SHPRH: variants seen among roughly 807,000 people sequenced by gnomAD.
SHPRH encodes SNF2 histone linker PHD RING helicase.
A neutral mutation model predicts 202.5 loss-of-function variants in SHPRH; 106 were observed. The ratio of observed to expected loss-of-function variants is 0.52; its 90% confidence interval spans 0.45 to 0.62. The LOEUF is 0.62. Ranked by LOEUF, SHPRH falls within the 20% of genes least tolerant of loss-of-function variation. SHPRH has a pLI of 0.00. For missense variants in SHPRH, 1,710 were observed against 2,020.0 expected (o/e 0.85, Z 2.94); for synonymous variants, 729 against 686.0 (o/e 1.06, Z -0.98).
Position 145,926,072 on chromosome 6 carries a change from C to A in SHPRH, c.3294+132G>T, listed in dbSNP as rs953672544. ...TGCTACCCAAAATCACAACAAAATT[C>A]GAAACATCAAAGTAACAGGAAAACA... On this transcript the variant is annotated intron_variant, in intron 16 of 29. Coordinates refer to ENST00000275233, the MANE Select transcript of SHPRH (RefSeq NM_001042683.3). 5 of 854,006 alleles carry A rather than the reference C, an allele frequency of 5.9e-6. No individual in the cohort carries two copies. In the South Asian group the frequency reaches 7.3e-5, roughly 13 times the overall value. 52.9% of individuals were successfully genotyped at this position (854,006 alleles called of 1,614,324 possible). A position where few individuals can be genotyped will look rare whatever the true frequency, so the allele number is the denominator to read the frequency against.
At chr6:145,949,360 G>A (rs771980790) in intron 4 of SHPRH, among the ~76,000 whole-genome samples, 1 of 152,016 alleles carries the variant, frequency 6.6e-6, no homozygotes, top group Admixed American at 6.6e-5. Context: ...GTGGAGGGGG[G>A]CAGGTGTGTA....
rs774214158 is a variant in SHPRH, at chr6:145,946,233, G to A, written c.1321C>T (p.Pro441Ser). ...TTCCTTTAAGAGATGTCTTACTTAC[G>A]AGGGCATTGAACTTTTTCTTTTGGT... is the stretch of plus-strand genomic sequence containing the variant. ...FEPKEKVQCP[P>S]TRVMILTAVK... The change falls in exon 7 of 30, where the codon CCT becomes TCT. Residue 441 changes from proline (P) to serine (S), a missense_variant and splice_region_variant. This residue lies in a region of SHPRH where 348 missense variants were observed against 356.9 expected (regional missense o/e 0.97). Transcript: ENST00000275233. 4 of 1,604,466 alleles carry A rather than the reference G, an allele frequency of 2.5e-6. No individual in the cohort carries two copies. The highest frequency in any genetic ancestry group is 2.6e-6 in the Non-Finnish European group (3 of 1,175,002).
At chr6:145,858,835 C>T in the SHPRH span, among the ~76,000 whole-genome samples, 5 of 151,844 alleles carry the variant, frequency 3.3e-5, no homozygotes, top group Non-Finnish European at 5.9e-5. Context: ...ATGCTAATGC[C>T]GGATGAAAGA....
intron 7 of SHPRH, 166 bp from the exon 8 acceptor site, chr6:145,945,803 C>A: frequency 1.5e-6 from 1 of 651,198 alleles, no homozygotes; most frequent in Non-Finnish European, 2.4e-6. Flanking sequence ...AAATGTATCT[C>A]AGCATATTAA....
chr6:145,919,560 G>A, intron 21 of SHPRH, 69 bp from the exon 22 acceptor site: 3 of 1,552,568 alleles, frequency 1.9e-6, no homozygotes, highest in South Asian at 1.2e-5. Context: ...CCACCAAGAT[G>A]TGCCTTAAGC....
chr6:145,889,626 G>C (rs1294092817), intron 28 of SHPRH, among the ~76,000 whole-genome samples: 2 of 152,098 alleles, frequency 1.3e-5, no homozygotes, highest in African/African-American at 4.8e-5. Context: ...AGTAGAATTT[G>C]TATATGAAAC....
intron 3 of SHPRH, among the ~76,000 whole-genome samples, chr6:145,951,295 G>C (rs1461626540): frequency 6.6e-6 from 1 of 151,946 alleles, no homozygotes; most frequent in Non-Finnish European, 1.5e-5. Flanking sequence ...ATTTATTTCT[G>C]AATTGCTTTG....
intron 2 of SHPRH, among the ~76,000 whole-genome samples, chr6:145,952,885 T>G (rs17075537): frequency 0.031 from 4,723 of 152,138 alleles, 262 homozygotes; most frequent in African/African-American, 0.11. Flanking sequence ...TTGGGCATCC[T>G]CATTACTGAA....
chr6:145,939,070 C>CCTA (rs1786442972), intron 11 of SHPRH, among the ~76,000 whole-genome samples: 2 of 151,972 alleles, frequency 1.3e-5, no homozygotes, highest in Admixed American at 1.3e-4. Flanking sequence ...GTTGAGAAAC[C>CCTA]CTAGTTTAGC....
chr6:145,933,018 G>A (rs756293880), intron 14 of SHPRH, 39 bp downstream of exon 14: 1 of 1,588,872 alleles, frequency 6.3e-7, no homozygotes, highest in East Asian at 2.3e-5. Flanking sequence ...TCCTCAGGAA[G>A]TGTTTGAAAG....
chr6:145,909,110 T>C (rs1213338061), intron 25 of SHPRH: 1 of 152,122 alleles, frequency 6.6e-6, no homozygotes, highest in African/African-American at 2.4e-5. Context: ...TATATGTCTG[T>C]TTTGGTACCA....
chr6:145,922,560 A>G, intron 19 of SHPRH, 103 bp downstream of exon 19: 4 of 1,393,428 alleles, frequency 2.9e-6, no homozygotes, highest in Non-Finnish European at 3.8e-6. Context: ...TGTCTCAATT[A>G]AAATGAAAAA....
At chr6:145,940,046 T>C (rs2128776555) in intron 11 of SHPRH, among the ~76,000 whole-genome samples, 1 of 152,302 alleles carries the variant, frequency 6.6e-6, no homozygotes, top group East Asian at 1.9e-4. Context: ...ATTTTAGATA[T>C]TCACAACTTG....
chr6:145,899,323 C>T (rs375617084), intron 25 of SHPRH, among the ~76,000 whole-genome samples: 10 of 152,012 alleles, frequency 6.6e-5, no homozygotes, highest in Admixed American at 3.3e-4. Context: ...AAAAATAGTA[C>T]GCTACTGAAA....
rs946427903 is a variant in SHPRH at position 145,941,699 on chromosome 6, G to A, written c.2414C>T (p.Pro805Leu). The A allele has an allele frequency of 3.1e-6, 5 of 1,613,818 alleles. No individual in the cohort carries two copies. The highest frequency in any genetic ancestry group is 1.3e-5 in the African/African-American group (1 of 74,880). The change falls in exon 10 of 30, where the codon CCG becomes CTG. Residue 805 changes from proline (P) to leucine (L), a missense_variant. Physicochemically the swap from Pro to Leu is moderately conservative, Grantham distance 98. Transcript: ENST00000275233. ...LRNQKRYMAI[P>L]SPLVAVEWWR... ...CCACTCCACAGCTACCAGGGGGCTC[G>A]GGATAGCCATATAGCGCTTCTGGTT...
At position 145,945,646 on chromosome 6, in the gene SHPRH, A is replaced by G; in HGVS notation, c.1322-9T>C. On this transcript the variant is annotated splice_polypyrimidine_tract_variant and intron_variant, in intron 7 of 29. Coordinates refer to ENST00000275233, the MANE Select transcript of SHPRH (RefSeq NM_001042683.3). ...TATCATCACACGTGTAGCTAAATGT[A>G]AAAGGATATGCTAAATCAGTCAAAA... 6.3e-7 allele frequency: 1 copy of G among 1,594,870 alleles called. No homozygotes were observed. Among genetic ancestry groups the G allele is most frequent in the East Asian group, 2.2e-5 (1 of 44,642 alleles).
intron 25 of SHPRH, chr6:145,909,396 AT>A (rs1783281234): frequency 6.6e-6 from 1 of 152,114 alleles, no homozygotes; most frequent in Non-Finnish European, 1.5e-5. Context: ...ATGAATGCTT[AT>A]TCTAACTGTG....
rs547061105 is a variant in SHPRH, at chr6:145,940,238, T to A, written c.2569+485A>T. On this transcript the variant is annotated intron_variant, in intron 11 of 29. Coordinates refer to ENST00000275233, the MANE Select transcript of SHPRH (RefSeq NM_001042683.3). ...ATATAGTGTGACATTATAAGACTACTAATAACTTATATAATTACTAAAATT... is the reference window on the plus strand; with the variant it reads ...ATATAGTGTGACATTATAAGACTACAAATAACTTATATAATTACTAAAATT... Among the ~76,000 whole-genome samples the A allele has an allele frequency of 9.5e-4, 145 of 152,282 alleles. No homozygotes were observed. In the Middle Eastern group the frequency reaches 0.01, roughly 11 times the overall value.
chr6:145,885,645 A>C lies in SHPRH; in HGVS notation c.*1046T>G, dbSNP rs1349971646. 2.0e-5 allele frequency: 3 copies of C among 152,194 alleles called. No homozygotes were observed. The highest frequency in any genetic ancestry group is 1.5e-5 in the Non-Finnish European group (1 of 68,028). 9.4% of individuals were successfully genotyped at this position (152,194 alleles called of 1,614,324 possible). On this transcript the variant is annotated 3_prime_UTR_variant, in exon 30 of 30. Coordinates refer to ENST00000275233, the MANE Select transcript of SHPRH (RefSeq NM_001042683.3). Reference sequence around the variant, plus strand: ...CCATTAATTCCTCACAGAAGAAGAAACACTTCGTTATTATCACTTGCAACG... The same window carrying C: ...CCATTAATTCCTCACAGAAGAAGAACCACTTCGTTATTATCACTTGCAACG...
Sources: allele counts gnomAD v4.1 joint callset (sites outside exome capture counted in the v4.1 genomes callset), GRCh38; gene constraint gnomAD v4.1.1; regional missense constraint gnomAD v4.1.1; transcripts MANE v1.5; gene names NCBI Gene and HGNC (gene_info 2026-07-23, HGNC 2026-07-21).